CSMD1: variants seen among roughly 807,000 people sequenced by gnomAD.
CSMD1 encodes CUB and sushi domain-containing protein 1.
Under a neutral mutation model 417.5 loss-of-function variants are expected in CSMD1, and 213 were observed. The ratio of observed to expected loss-of-function variants is 0.51; its 90% CI spans 0.46 to 0.57. CSMD1 has a LOEUF of 0.57. Ranked by LOEUF, CSMD1 falls within the 20% of genes least tolerant of loss-of-function variation. The probability of loss-of-function intolerance (pLI) is 0.00; values close to 1 mark genes in which losing one functional copy is unlikely to be tolerated. For missense variants in CSMD1, 6,923 were observed against 4,529.7 expected, an observed-to-expected ratio of 1.53 and a Z score of -15.17; for synonymous variants, 2,862 against 1,736.8, an observed-to-expected ratio of 1.65 and a Z score of -16.11.
At chr8:3,218,094 G>C (rs1470953528) in intron 29 of CSMD1, among the ~76,000 whole-genome samples, 1 of 152,146 alleles carries the variant, frequency 6.6e-6, no homozygotes, top group African/African-American at 2.4e-5. Context: ...AGGTCAGTCT[G>C]TTTTCCTTGG....
chr8:4,051,847 T>C (rs1350349880), intron 3 of CSMD1, among the ~76,000 whole-genome samples: 6 of 78,784 alleles, frequency 7.6e-5, no homozygotes, highest in Admixed American at 1.6e-4. Flanking sequence ...TTTCTTTCTT[T>C]TCTTTTCTCT....
At chr8:4,284,445 C>T (rs534465168) in intron 3 of CSMD1, among the ~76,000 whole-genome samples, 3 of 150,232 alleles carry the variant, frequency 2.0e-5, no homozygotes, top group African/African-American at 7.3e-5. Context: ...ACCTCCACTC[C>T]GTGTTCCCTC....
At chr8:3,079,288 G>A (rs1414412532) in intron 49 of CSMD1, among the ~76,000 whole-genome samples, 1 of 152,202 alleles carries the variant, frequency 6.6e-6, no homozygotes, top group East Asian at 1.9e-4. Context: ...CTGACATAAT[G>A]CCTACAACCT....
intron 1 of CSMD1, among the ~76,000 whole-genome samples, chr8:4,687,356 G>C (rs774740126): frequency 6.6e-6 from 1 of 152,150 alleles, no homozygotes; most frequent in Non-Finnish European, 1.5e-5. Flanking sequence ...CAGGACTAAA[G>C]TACATTAAGT....
intron 5 of CSMD1, among the ~76,000 whole-genome samples, chr8:3,969,021 C>T (rs1025144192): frequency 6.6e-6 from 1 of 152,152 alleles, no homozygotes; most frequent in African/African-American, 2.4e-5. Flanking sequence ...AAGGCCGAGG[C>T]AGGTGGATCA....
intron 2 of CSMD1, among the ~76,000 whole-genome samples, chr8:4,568,160 A>G (rs1299145989): frequency 1.3e-5 from 2 of 152,180 alleles, no homozygotes; most frequent in East Asian, 1.9e-4. Flanking sequence ...AAAAAAATAT[A>G]TAAGTTATGG....
intron 3 of CSMD1, among the ~76,000 whole-genome samples, chr8:4,166,557 A>C (rs914660552): frequency 6.6e-6 from 1 of 152,178 alleles, no homozygotes; most frequent in Non-Finnish European, 1.5e-5. Context: ...CTAAGCAATG[A>C]GGATACAAAG....
At chr8:4,363,918 G>C (rs962608673) in intron 3 of CSMD1, among the ~76,000 whole-genome samples, 74 of 152,302 alleles carry the variant, frequency 4.9e-4, no homozygotes, top group African/African-American at 1.5e-3. Context: ...TGTAGGGCAG[G>C]GGGGAGATGA....
At chr8:4,082,361 G>C (rs184924669) in intron 3 of CSMD1, among the ~76,000 whole-genome samples, 21 of 152,188 alleles carry the variant, frequency 1.4e-4, no homozygotes, top group Admixed American at 1.4e-3. Flanking sequence ...GGCCCAGATG[G>C]TTTCACTGGT....
chr8:4,710,285 A>C (rs1217457843), intron 1 of CSMD1, among the ~76,000 whole-genome samples: 1 of 151,686 alleles, frequency 6.6e-6, no homozygotes, highest in Admixed American at 6.6e-5. Context: ...TGCATGTTAA[A>C]TATATAATGT....
intron 5 of CSMD1, among the ~76,000 whole-genome samples, chr8:3,870,810 T>A (rs1286557917): frequency 6.6e-6 from 1 of 152,138 alleles, no homozygotes; most frequent in Non-Finnish European, 1.5e-5. Flanking sequence ...TTGTAAAACA[T>A]ACACAGGAGA....
At chr8:4,187,417 C>T (rs1344828370) in intron 3 of CSMD1, among the ~76,000 whole-genome samples, 1 of 152,074 alleles carries the variant, frequency 6.6e-6, no homozygotes, top group Admixed American at 6.5e-5. Context: ...GAGGCCAAGG[C>T]AGGCAGATCA....
At chr8:4,567,733 A>AAG (rs1315438633) in intron 2 of CSMD1, among the ~76,000 whole-genome samples, 4 of 152,266 alleles carry the variant, frequency 2.6e-5, no homozygotes, top group Non-Finnish European at 5.9e-5. Flanking sequence ...TTACTGATAT[A>AAG]TGCTATCTAC....
At chr8:4,477,541 C>T (rs943158078) in intron 2 of CSMD1, among the ~76,000 whole-genome samples, 1 of 152,192 alleles carries the variant, frequency 6.6e-6, no homozygotes, top group African/African-American at 2.4e-5. Flanking sequence ...TGCTCTATGA[C>T]ACACACAGTT....
chr8:3,909,684 T>C (rs963805504), intron 5 of CSMD1, among the ~76,000 whole-genome samples: 2 of 152,126 alleles, frequency 1.3e-5, no homozygotes, highest in African/African-American at 2.4e-5. Flanking sequence ...CCTAACATCA[T>C]CATTCCTCCT....
At chr8:2,969,629 T>C (rs540998537) in intron 57 of CSMD1, among the ~76,000 whole-genome samples, 2 of 152,298 alleles carry the variant, frequency 1.3e-5, no homozygotes, top group Admixed American at 1.3e-4. Context: ...TAATCTTAAC[T>C]AGGGGATTAG....
At chr8:3,904,549 T>G (rs921635035) in intron 5 of CSMD1, among the ~76,000 whole-genome samples, 1 of 152,196 alleles carries the variant, frequency 6.6e-6, no homozygotes, top group Non-Finnish European at 1.5e-5. Flanking sequence ...AGCTGTTGTA[T>G]GTGAAACACA....
chr8:3,654,999 G>C (rs1049240591), intron 7 of CSMD1, among the ~76,000 whole-genome samples: 3 of 152,162 alleles, frequency 2.0e-5, no homozygotes, highest in Non-Finnish European at 2.9e-5. Context: ...AAGAAAGGGA[G>C]ACAGCAATAA....
intron 8 of CSMD1, among the ~76,000 whole-genome samples, chr8:3,592,185 T>C (rs749754076): frequency 6.6e-6 from 1 of 151,890 alleles, no homozygotes; most frequent in Non-Finnish European, 1.5e-5. Context: ...GATTGACAGA[T>C]GACAGATAGA....
Sources: gnomAD v4.1 joint callset for allele counts (sites outside exome capture counted in the v4.1 genomes callset) on GRCh38, gnomAD v4.1.1 for gene constraint, MANE v1.5 for transcripts, NCBI Gene and HGNC (gene_info 2026-07-23, HGNC 2026-07-21) for gene names.